HTR1E: variants seen among roughly 807,000 people sequenced by gnomAD.
HTR1E encodes 5-HT-1E.
HTR1E carries 3 observed loss-of-function variants against 3.4 expected under a neutral mutation model. The observed-to-expected ratio is 0.89, with a 90% CI of 0.41 to 2.31. The LOEUF (loss-of-function observed/expected upper bound fraction) is 2.31. Among genes scored for constraint, HTR1E ranks in the 30% most tolerant of loss-of-function variants. The probability of loss-of-function intolerance (pLI) is 0.05; values close to 1 mark genes in which losing one functional copy is unlikely to be tolerated. For missense variants in HTR1E, 392 were observed against 467.0 expected, an observed-to-expected ratio of 0.84 and a Z score of 1.48; for synonymous variants, 170 against 182.8, an observed-to-expected ratio of 0.93 and a Z score of 0.56.
chr6:86,972,647 A>T (rs753240025), intron 1 of HTR1E, among the ~76,000 whole-genome samples: 22 of 152,228 alleles, frequency 1.4e-4, no homozygotes, highest in Non-Finnish European at 3.1e-4. Flanking sequence ...GACTTTAAAA[A>T]TAATATTTCA....
intron 1 of HTR1E, among the ~76,000 whole-genome samples, chr6:86,966,296 AT>A (rs1390897719): frequency 6.6e-6 from 1 of 152,166 alleles, no homozygotes. Context: ...TAAGAAGGAA[AT>A]AATTGAGATA....
rs113980782 is a variant in HTR1E, at chr6:86,977,695, T to G, written c.-185-37455T>G. Among the ~76,000 whole-genome samples, 279 of 152,220 alleles carry G rather than the reference T, an allele frequency of 1.8e-3. 2 individuals are homozygous for G. The highest frequency in any genetic ancestry group is 0.01 in the Middle Eastern group (3 of 294). On this transcript the variant is annotated intron_variant, in intron 1 of 1. Transcript: ENST00000305344. ...CCACAGCCTCACCAGCATATGTTGTTTTTTGACTTTTTAATATAATAGCCA... is the reference window on the plus strand; with the variant it reads ...CCACAGCCTCACCAGCATATGTTGTGTTTTGACTTTTTAATATAATAGCCA...
intron 1 of HTR1E, among the ~76,000 whole-genome samples, chr6:86,987,067 A>G (rs1428103952): frequency 6.6e-6 from 1 of 152,208 alleles, no homozygotes. Flanking sequence ...AAGTAAATAA[A>G]CACATATAGA....
chr6:86,977,557 G>A (rs1767655912), intron 1 of HTR1E, among the ~76,000 whole-genome samples: 1 of 152,106 alleles, frequency 6.6e-6, no homozygotes, highest in Non-Finnish European at 1.5e-5. Context: ...CTAATAATGG[G>A]ATTGCTGGGT....
At chr6:87,011,162 T>G (rs557344873) in intron 1 of HTR1E, among the ~76,000 whole-genome samples, 1 of 152,222 alleles carries the variant, frequency 6.6e-6, no homozygotes, top group Non-Finnish European at 1.5e-5. Flanking sequence ...CAGAACATCA[T>G]GTGGAGCCAG....
At chr6:86,977,634 C>T (rs1203970483) in intron 1 of HTR1E, among the ~76,000 whole-genome samples, 2 of 152,192 alleles carry the variant, frequency 1.3e-5, no homozygotes, top group African/African-American at 4.8e-5. Context: ...AACTAATTTA[C>T]ATTCCCACCA....
At chr6:86,938,161 G>C (rs776854982) in intron 1 of HTR1E, among the ~76,000 whole-genome samples, 1 of 151,770 alleles carries the variant, frequency 6.6e-6, no homozygotes, top group Admixed American at 6.6e-5. Flanking sequence ...AACGGGTGCT[G>C]GGGGGGGCCA....
chr6:86,978,787 G>A (rs963712478), intron 1 of HTR1E, among the ~76,000 whole-genome samples: 1 of 152,156 alleles, frequency 6.6e-6, no homozygotes, highest in Non-Finnish European at 1.5e-5. Context: ...AAAGAAATCT[G>A]AAAACACTGA....
intron 1 of HTR1E, among the ~76,000 whole-genome samples, chr6:86,953,727 T>C (rs1767280599): frequency 6.6e-6 from 1 of 152,222 alleles, no homozygotes; most frequent in Non-Finnish European, 1.5e-5. Context: ...TGTTCTCACA[T>C]TGCTATAAAG....
chr6:86,990,480 T>C (rs1767857693), intron 1 of HTR1E, among the ~76,000 whole-genome samples: 1 of 152,054 alleles, frequency 6.6e-6, no homozygotes, highest in Non-Finnish European at 1.5e-5. Flanking sequence ...GAAAACAGTC[T>C]AATAAAAGAA....
chr6:86,962,203 T>C (rs746081686), intron 1 of HTR1E, among the ~76,000 whole-genome samples: 1 of 152,180 alleles, frequency 6.6e-6, no homozygotes, highest in African/African-American at 2.4e-5. Context: ...GGTAGTATGA[T>C]CCCCAATCCT....
In HTR1E at chr6:87,016,380, A is replaced by C. The variant is rs1465988749; in HGVS notation, c.1046A>C (p.Glu349Ala). Residue 349 changes from glutamate (E) to alanine (A), a missense_variant, in exon 2 of 2, where the codon GAA becomes GCA. This residue lies in a region of HTR1E where 25 missense variants were observed against 44.1 expected (regional missense o/e 0.57). Coordinates refer to ENST00000305344, the MANE Select transcript of HTR1E (RefSeq NM_000865.3). ...CCTCTGCTCTATACGAGTTTTAATG[A>C]AGACTTTAAGCTGGCTTTTAAAAAG... ...INPLLYTSFNEDFKLAFKKLI... is the reference protein window; with the variant it reads ...INPLLYTSFNADFKLAFKKLI... The C allele has an allele frequency of 6.2e-7, 1 of 1,612,080 alleles. No homozygotes were observed. The highest frequency in any genetic ancestry group is 8.5e-7 in the Non-Finnish European group (1 of 1,178,350).
chr6:87,003,893 G>T (rs1768062431), intron 1 of HTR1E, among the ~76,000 whole-genome samples: 1 of 151,998 alleles, frequency 6.6e-6, no homozygotes. Context: ...AGGGAGAGAA[G>T]ATCCAAATAA....
At chr6:86,991,769 G>T (rs1162850852) in intron 1 of HTR1E, among the ~76,000 whole-genome samples, 1 of 152,108 alleles carries the variant, frequency 6.6e-6, no homozygotes, top group Non-Finnish European at 1.5e-5. Flanking sequence ...AAGTAAACCA[G>T]ATTTCACAGA....
chr6:87,013,733 G>A (rs1400183780), intron 1 of HTR1E, among the ~76,000 whole-genome samples: 1 of 151,814 alleles, frequency 6.6e-6, no homozygotes, highest in African/African-American at 2.4e-5. Flanking sequence ...ATTAATTGGG[G>A]TGGCAAAGTA....
At chr6:86,960,162 A>G (rs1322340975) in intron 1 of HTR1E, among the ~76,000 whole-genome samples, 1 of 152,220 alleles carries the variant, frequency 6.6e-6, no homozygotes. Flanking sequence ...CCACAGTTCT[A>G]GAAGCTGGGT....
In HTR1E at chr6:87,015,331, A is replaced by G. The variant is rs1768302334; in HGVS notation, c.-4A>G. On this transcript the variant is annotated 5_prime_UTR_variant, in exon 2 of 2. Coordinates refer to ENST00000305344, the MANE Select transcript of HTR1E (RefSeq NM_000865.3). The stretch of plus-strand genomic sequence containing the variant: ...TCCACAGTGTAGACTGAAACAAGGG[A>G]AACATGAACATCACAAACTGTACCA... 3 of 1,537,078 alleles carry G rather than the reference A, an allele frequency of 2.0e-6. No individual in the cohort carries two copies.
intron 1 of HTR1E, chr6:87,000,394 A>T (rs1768003228): frequency 6.6e-6 from 1 of 152,250 alleles, no homozygotes; most frequent in Admixed American, 6.5e-5. Context: ...TTCAAGTACA[A>T]GAAGACGATT....
chr6:86,939,980 C>T (rs1018440333), intron 1 of HTR1E, among the ~76,000 whole-genome samples: 10 of 152,198 alleles, frequency 6.6e-5, no homozygotes, highest in African/African-American at 2.4e-4. Context: ...AAATAAGTTT[C>T]CATTCTTTTG....
Sources: allele counts gnomAD v4.1 joint callset (sites outside exome capture counted in the v4.1 genomes callset), GRCh38; gene constraint gnomAD v4.1.1; regional missense constraint gnomAD v4.1.1; transcripts MANE v1.5; gene names NCBI Gene and HGNC (gene_info 2026-07-23, HGNC 2026-07-21).